The following BUB3 variants were observed in gnomAD, a reference collection of about 807,000 sequenced individuals.
BUB3 encodes the protein mitotic checkpoint protein BUB3.
A neutral mutation model predicts 39.9 loss-of-function variants in BUB3; 22 were observed. The observed-to-expected ratio is 0.55, with a 90% CI of 0.39 to 0.79. The LOEUF (loss-of-function observed/expected upper bound fraction) is 0.79. BUB3 is among the 30% of genes least tolerant of loss of function. The pLI, the probability that BUB3 is intolerant of heterozygous loss-of-function variation, is 0.00. For synonymous variants in BUB3, 168 were observed against 155.1 expected, an observed-to-expected ratio of 1.08 and a Z score of -0.62; for missense variants, 303 against 415.4, an observed-to-expected ratio of 0.73 and a Z score of 2.35.
At chr10:123,155,578 G>T in intron 2 of BUB3, 80 bp from the exon 3 acceptor site, 2 of 1,357,688 alleles carry the variant, frequency 1.5e-6, no homozygotes, top group South Asian at 2.4e-5. Context: ...AGCATAAACT[G>T]AACACTTGCT....
rs1287800344 is a variant in BUB3, at chr10:123,163,887, C to T, written c.*52C>T. On this transcript the variant is annotated 3_prime_UTR_variant, in exon 8 of 8. Coordinates refer to ENST00000368865, the MANE Select transcript of BUB3 (RefSeq NM_004725.4). ...GTTGATGATAATAAAACAATTCGTACTCCCCAATGGTGGATTTATTACTAT... is the reference window on the plus strand; with the variant it reads ...GTTGATGATAATAAAACAATTCGTATTCCCCAATGGTGGATTTATTACTAT... 1.9e-6 allele frequency: 3 copies of T among 1,563,706 alleles called. No homozygotes were observed. Among genetic ancestry groups the T allele is most frequent in the Non-Finnish European group, 2.6e-6 (3 of 1,141,716 alleles).
rs1844522993 is a variant in BUB3 at position 123,169,045 on chromosome 10, G to A, written c.*5210G>A. The A allele has an allele frequency of 6.6e-6, 1 of 152,256 alleles. No homozygotes were observed. The highest frequency in any genetic ancestry group is 6.5e-5 in the Admixed American group (1 of 15,286). The allele number at this position is 152,256 out of a possible 1,614,324, so 9.4% of individuals were successfully genotyped here. A position where few individuals can be genotyped will look rare whatever the true frequency, so the allele number is the denominator to read the frequency against. On this transcript the variant is annotated 3_prime_UTR_variant, in exon 8 of 8. Coordinates refer to ENST00000368865, the MANE Select transcript of BUB3 (RefSeq NM_004725.4). ...CTGGCCATGAGGAATTCCATGACAT[G>A]GAGGGAAAATGGCAACTTCAAATTT...
In BUB3 at chr10:123,162,679, G is replaced by A; in HGVS notation, c.822G>A (p.Arg274=). The A allele has an allele frequency of 6.2e-7, 1 of 1,608,290 alleles. No homozygotes were observed. The change falls in exon 7 of 8, where the codon CGG becomes CGA. Residue 274 remains arginine (R), a synonymous_variant. Transcript: ENST00000368865. ...FNKKRLCQFH[R]YPTSIASLAF... is the part of the protein sequence containing the mutation. The stretch of plus-strand genomic sequence containing the variant: ...AAAAGCGACTGTGCCAATTCCATCG[G>A]TACCCCACGAGCATCGCATCACTTG...
At position 123,168,856 on chromosome 10, in the gene BUB3, CT is replaced by C. The variant is rs57861554; in HGVS notation, c.*5033del. 0.014 allele frequency: 2,003 copies of C among 146,050 alleles called. 33 individuals are homozygous for C. Among genetic ancestry groups the C allele is most frequent in the African/African-American group, 0.043 (1,745 of 40,230 alleles). The allele number at this position is 146,050 out of a possible 1,614,324, so 9.0% of individuals were successfully genotyped here. ...CATGAGCCACTGCACCCAGCTGTGACTTTTTTTTTTTTAAGCTCATCAGCTA... is the reference window on the plus strand; with the variant it reads ...CATGAGCCACTGCACCCAGCTGTGACTTTTTTTTTTTAAGCTCATCAGCTA... On this transcript the variant is annotated 3_prime_UTR_variant, in exon 8 of 8. Coordinates refer to ENST00000368865, the MANE Select transcript of BUB3 (RefSeq NM_004725.4).
At chr10:123,159,836 A>C (rs1285197365) in intron 4 of BUB3, among the ~76,000 whole-genome samples, 1 of 152,218 alleles carries the variant, frequency 6.6e-6, no homozygotes, top group African/African-American at 2.4e-5. Flanking sequence ...AAAGGCTGCT[A>C]AACATCTAAT....
chr10:123,161,188 A>G (rs1844418601), intron 5 of BUB3, among the ~76,000 whole-genome samples: 2 of 152,198 alleles, frequency 1.3e-5, no homozygotes, highest in South Asian at 4.1e-4. Context: ...TAAAGTTCTA[A>G]GAGGAGATGG....
At chr10:123,157,932 T>G in intron 4 of BUB3, 52 bp downstream of exon 4, 1 of 1,539,182 alleles carries the variant, frequency 6.5e-7, no homozygotes, top group Non-Finnish European at 8.8e-7. Context: ...GTGATTTTTG[T>G]CTTGGTGCAT....
intron 4 of BUB3, among the ~76,000 whole-genome samples, chr10:123,159,185 C>T (rs1844387658): frequency 6.6e-6 from 1 of 152,034 alleles, no homozygotes; most frequent in Non-Finnish European, 1.5e-5. Context: ...AATTTTAATT[C>T]CTTATTTTTC....
Position 123,162,723 on chromosome 10 carries a change from C to A in BUB3, c.866C>A (p.Thr289Asn). 1 of 1,613,948 alleles carries A rather than the reference C, an allele frequency of 6.2e-7. No individual in the cohort carries two copies. Among genetic ancestry groups the A allele is most frequent in the Non-Finnish European group, 8.5e-7 (1 of 1,179,924 alleles). Residue 289 changes from threonine to asparagine, a missense_variant, in exon 7 of 8, where the codon ACT becomes AAT. Coordinates refer to ENST00000368865, the MANE Select transcript of BUB3 (RefSeq NM_004725.4). ...IASLAFSNDG[T>N]TLAIASSYMY... The stretch of plus-strand genomic sequence containing the variant: ...TCACTTGCCTTCAGTAATGATGGGA[C>A]TACGCTTGCAATAGCGTCATCATAT...
chr10:123,155,726 A>C lies in BUB3; in HGVS notation c.264A>C (p.Gln88His), dbSNP rs752460891. 3.7e-6 allele frequency: 6 copies of C among 1,613,590 alleles called. No homozygotes were observed. In the South Asian group the frequency reaches 6.6e-5, roughly 18 times the overall value. Residue 88 changes from glutamine to histidine, a missense_variant and splice_region_variant, in exon 3 of 8, where the codon CAA (glutamine) becomes CAC (histidine). This residue lies in a region of BUB3 where 121 missense variants were observed against 122.3 expected (regional missense o/e 0.99). Coordinates refer to ENST00000368865, the MANE Select transcript of BUB3 (RefSeq NM_004725.4). ...AAATGCATGATTTGAACACTGATCAAGGTAATGTGACCATATCTTTACCAG... is the reference window on the plus strand; with the variant it reads ...AAATGCATGATTTGAACACTGATCACGGTAATGTGACCATATCTTTACCAG... ...QLKMHDLNTD[Q>H]ENLVGTHDAP...
At position 123,167,747 on chromosome 10, in the gene BUB3, C is replaced by T. The variant is rs1235461606; in HGVS notation, c.*3912C>T. 6.6e-6 allele frequency: 1 copy of T among 151,994 alleles called. No homozygotes were observed. The highest frequency in any genetic ancestry group is 1.9e-4 in the East Asian group (1 of 5,180). The allele number at this position is 151,994 out of a possible 1,614,324, so 9.4% of individuals were successfully genotyped here. The stretch of plus-strand genomic sequence containing the variant: ...AAAAAATGAAACATACTATCACAAT[C>T]CTATGATATAACTTAAAAATTTCTT... On this transcript the variant is annotated 3_prime_UTR_variant, in exon 8 of 8. Coordinates refer to ENST00000368865, the MANE Select transcript of BUB3 (RefSeq NM_004725.4).
At chr10:123,156,548 C>T (rs1470907041) in intron 3 of BUB3, among the ~76,000 whole-genome samples, 2 of 152,134 alleles carry the variant, frequency 1.3e-5, no homozygotes, top group Non-Finnish European at 2.9e-5. Flanking sequence ...ACTTATACTG[C>T]AGGTATTGGG....
In BUB3 at chr10:123,155,070, C is replaced by G. The variant is rs756086925; in HGVS notation, c.153C>G (p.Leu51=). ...LYDVPANSMR[L]KYQHTGAVLD... is the part of the protein sequence containing the mutation. ...ATGTGCCGGCCAACTCCATGCGGCT[C>G]AAGTACCAGCACACCGGCGCCGTCC... is the stretch of plus-strand genomic sequence containing the variant. The change falls in exon 2 of 8, where the codon CTC becomes CTG. Residue 51 remains leucine, a synonymous_variant. Coordinates refer to ENST00000368865, the MANE Select transcript of BUB3 (RefSeq NM_004725.4). The G allele has an allele frequency of 1.9e-6, 3 of 1,614,036 alleles. No homozygotes were observed. In the African/African-American group the frequency reaches 4.0e-5, roughly 22 times the overall value.
At position 123,167,391 on chromosome 10, in the gene BUB3, T is replaced by G. The variant is rs1055797569; in HGVS notation, c.*3556T>G. The G allele has an allele frequency of 6.6e-6, 1 of 152,126 alleles. No individual in the cohort carries two copies. Among genetic ancestry groups the G allele is most frequent in the African/African-American group, 2.4e-5 (1 of 41,414 alleles). 9.4% of individuals were successfully genotyped at this position (152,126 alleles called of 1,614,324 possible). ...AGCTCACAAATAAGTGTGCCCTTTCTCAAAACACGTATGAAACACCTCCTG... is the reference window on the plus strand; with the variant it reads ...AGCTCACAAATAAGTGTGCCCTTTCGCAAAACACGTATGAAACACCTCCTG... On this transcript the variant is annotated 3_prime_UTR_variant, in exon 8 of 8. Transcript: ENST00000368865.
intron 6 of BUB3, 39 bp downstream of exon 6, chr10:123,162,452 C>T (rs776487803): frequency 3.1e-6 from 5 of 1,590,976 alleles, no homozygotes; most frequent in East Asian, 4.5e-5. Flanking sequence ...AATTATTATA[C>T]TATTTGGTGC....
At position 123,164,106 on chromosome 10, in the gene BUB3, A is replaced by T; in HGVS notation, c.*271A>T. The T allele has an allele frequency of 8.8e-7, 1 of 1,141,152 alleles. No individual in the cohort carries two copies. The allele number at this position is 1,141,152 out of a possible 1,614,324, so 70.7% of individuals were successfully genotyped here. On this transcript the variant is annotated 3_prime_UTR_variant, in exon 8 of 8. Transcript: ENST00000368865. ...ACTGCAGTTTTGAGAATCAGTTTTG[A>T]CCTTGATGATTTTTTGTTTCCACTG...
chr10:123,155,597 TAAG>T (rs1844339426), intron 2 of BUB3, 58 bp from the exon 3 acceptor site: 2 of 1,470,444 alleles, frequency 1.4e-6, no homozygotes, highest in African/African-American at 2.8e-5. Context: ...CTTGTAGAAA[TAAG>T]AATGTTGAAA....
chr10:123,157,832 G>T lies in BUB3; in HGVS notation c.369G>T (p.Trp123Cys). The T allele has an allele frequency of 6.2e-7, 1 of 1,614,048 alleles. No homozygotes were observed. Among genetic ancestry groups the T allele is most frequent in the South Asian group, 1.1e-5 (1 of 91,072 alleles). The change falls in exon 4 of 8, where the codon TGG (tryptophan) becomes TGT (cysteine). Residue 123 changes from tryptophan to cysteine, a missense_variant. Physicochemically the swap from Trp to Cys is radical, Grantham distance 215. Around this residue, in one of 2 missense-constraint regions of BUB3, gnomAD observed 182 missense variants for 293.1 expected, o/e 0.62. Coordinates refer to ENST00000368865, the MANE Select transcript of BUB3 (RefSeq NM_004725.4). Reference sequence around the variant, plus strand: ...GTTGGGATCAGACAGTTAAACTGTGGGATCCCAGAACTCCTTGTAATGCTG... The same window carrying T: ...GTTGGGATCAGACAGTTAAACTGTGTGATCCCAGAACTCCTTGTAATGCTG... ...TGSWDQTVKL[W>C]DPRTPCNAGT... is the part of the protein sequence containing the mutation.
chr10:123,164,653 A>G lies in BUB3; in HGVS notation c.*818A>G. 4 of 996,532 alleles carry G rather than the reference A, an allele frequency of 4.0e-6. No homozygotes were observed. The highest frequency in any genetic ancestry group is 4.8e-6 in the Non-Finnish European group (4 of 837,282). 61.7% of individuals were successfully genotyped at this position (996,532 alleles called of 1,614,324 possible). A position where few individuals can be genotyped will look rare whatever the true frequency, so the allele number is the denominator to read the frequency against. On this transcript the variant is annotated 3_prime_UTR_variant, in exon 8 of 8. Coordinates refer to ENST00000368865, the MANE Select transcript of BUB3 (RefSeq NM_004725.4). ...TCTATCTCTAAATGAATTTTTGGAA[A>G]CATTAATGAGGTTTACATATTTCTC...
Sources: gnomAD v4.1 joint callset for allele counts (sites outside exome capture counted in the v4.1 genomes callset) on GRCh38, gnomAD v4.1.1 for gene constraint, gnomAD v4.1.1 regional missense constraint, MANE v1.5 for transcripts, NCBI Gene and HGNC (gene_info 2026-07-23, HGNC 2026-07-21) for gene names.